SNX25: variants seen among roughly 807,000 people sequenced by gnomAD.
The protein encoded by SNX25 is sorting nexin 25.
Under a neutral mutation model 113.7 loss-of-function variants are expected in SNX25, and 62 were observed. The ratio of observed to expected loss-of-function variants is 0.55; its 90% CI spans 0.44 to 0.67. The LOEUF (loss-of-function observed/expected upper bound fraction) is 0.67. Ranked by LOEUF, SNX25 falls within the 30% of genes least tolerant of loss-of-function variation. The pLI is 0.00. For synonymous variants in SNX25, 421 were observed against 436.2 expected (o/e 0.97, Z 0.43); for missense variants, 1,014 against 1,161.0 (o/e 0.87, Z 1.84).
In SNX25 at chr4:185,345,575, G is replaced by A. The variant is rs1042638742; in HGVS notation, c.2188-962G>A. On this transcript the variant is annotated intron_variant, in intron 12 of 18. Coordinates refer to ENST00000652585, the MANE Select transcript of SNX25 (RefSeq NM_001378034.2). ...TTTGGGAGGCTGAGGCAGGAGGATCGCTTGTATCCAGGAGTTTGAGACTGG... is the reference window on the plus strand; with the variant it reads ...TTTGGGAGGCTGAGGCAGGAGGATCACTTGTATCCAGGAGTTTGAGACTGG... 1.6e-4 allele frequency among the ~76,000 whole-genome samples: 24 copies of A among 152,042 alleles called. 1 individual carries two copies. The highest frequency in any genetic ancestry group is 4.6e-4 in the African/African-American group (19 of 41,408).
chr4:185,263,649 T>G (rs1259823329), intron 3 of SNX25, among the ~76,000 whole-genome samples: 1 of 152,226 alleles, frequency 6.6e-6, no homozygotes, highest in African/African-American at 2.4e-5. Flanking sequence ...TCCTGTGCAG[T>G]ACCTAGTATG....
chr4:185,237,844 CCT>C (rs1240584534), intron 1 of SNX25, among the ~76,000 whole-genome samples: 1 of 151,708 alleles, frequency 6.6e-6, no homozygotes, highest in Non-Finnish European at 1.5e-5. Flanking sequence ...GGGCGGATCA[CCT>C]GAGGTCAGGA....
At chr4:185,235,097 G>T (rs574710838) in intron 1 of SNX25, among the ~76,000 whole-genome samples, 1 of 152,150 alleles carries the variant, frequency 6.6e-6, no homozygotes, top group Non-Finnish European at 1.5e-5. Context: ...GTAGTCTCTC[G>T]GTCTATCTTA....
intron 6 of SNX25, among the ~76,000 whole-genome samples, chr4:185,306,045 C>T (rs1407662838): frequency 6.6e-6 from 1 of 152,188 alleles, no homozygotes; most frequent in Admixed American, 6.5e-5. Context: ...CTACTTAACA[C>T]TCTATAGAGA....
intron 13 of SNX25, among the ~76,000 whole-genome samples, chr4:185,350,123 G>C (rs924923610): frequency 1.3e-5 from 2 of 152,144 alleles, no homozygotes; most frequent in African/African-American, 4.8e-5. Flanking sequence ...TGCAGGGTAC[G>C]TGAATGCTGA....
At chr4:185,258,522 T>TA (rs1264335099) in intron 2 of SNX25, among the ~76,000 whole-genome samples, 2 of 152,200 alleles carry the variant, frequency 1.3e-5, no homozygotes, top group Non-Finnish European at 2.9e-5. Context: ...AATAGACTGA[T>TA]ATCAGGTACA....
chr4:185,271,329 TC>T (rs1748898070), intron 5 of SNX25, among the ~76,000 whole-genome samples: 1 of 152,166 alleles, frequency 6.6e-6, no homozygotes, highest in African/African-American at 2.4e-5. Flanking sequence ...TTAGGTTGCA[TC>T]CTTTTATAAG....
At chr4:185,340,942 C>T (rs1322841227) in intron 11 of SNX25, among the ~76,000 whole-genome samples, 1 of 152,180 alleles carries the variant, frequency 6.6e-6, no homozygotes, top group South Asian at 2.1e-4. Context: ...TCTGTGCTAG[C>T]TGACTCATCA....
chr4:185,306,563 G>A (rs1754504275), intron 6 of SNX25, among the ~76,000 whole-genome samples: 1 of 152,146 alleles, frequency 6.6e-6, no homozygotes, highest in Admixed American at 6.5e-5. Context: ...GAATGTAATG[G>A]TTGGTAAATG....
intron 5 of SNX25, among the ~76,000 whole-genome samples, chr4:185,275,388 T>C (rs1426387337): frequency 6.6e-6 from 1 of 152,036 alleles, no homozygotes; most frequent in Non-Finnish European, 1.5e-5. Context: ...GAGATTAAGG[T>C]GGTGGTTTCT....
At chr4:185,271,769 G>A (rs1461526013) in intron 5 of SNX25, among the ~76,000 whole-genome samples, 2 of 152,170 alleles carry the variant, frequency 1.3e-5, no homozygotes, top group African/African-American at 4.8e-5. Context: ...TGAGAGATGC[G>A]TATTTTCTAA....
chr4:185,329,200 C>T (rs1204291351), intron 9 of SNX25, among the ~76,000 whole-genome samples: 1 of 152,128 alleles, frequency 6.6e-6, no homozygotes, highest in African/African-American at 2.4e-5. Flanking sequence ...GTGCCGTTTT[C>T]AGGCCATCGG....
At chr4:185,295,993 T>C (rs2126630761) in intron 6 of SNX25, 1 of 152,296 alleles carries the variant, frequency 6.6e-6, no homozygotes, top group Non-Finnish European at 1.5e-5. Context: ...ATCTGGAGTT[T>C]GGGAATCCAG....
At chr4:185,378,416 T>G in the SNX25 span, 1 of 1,350,464 alleles carries the variant, frequency 7.4e-7, no homozygotes, top group Non-Finnish European at 9.5e-7. Context: ...ATTCTCCATG[T>G]CATTTTCCAC....
At chr4:185,272,288 T>C (rs77572544) in intron 5 of SNX25, among the ~76,000 whole-genome samples, 2,877 of 152,334 alleles carry the variant, frequency 0.019, 88 homozygotes, top group African/African-American at 0.057. Flanking sequence ...AAGGTGCATC[T>C]GTTAGTGAAA....
intron 1 of SNX25, among the ~76,000 whole-genome samples, chr4:185,220,386 C>T (rs1739594712): frequency 6.6e-6 from 1 of 151,912 alleles, no homozygotes; most frequent in African/African-American, 2.4e-5. Flanking sequence ...CACCCATTAA[C>T]TCGTCATTTA....
At chr4:185,368,004 T>C (rs1335525348), downstream of SNX25, among the ~76,000 whole-genome samples, 6 of 151,916 alleles carry the variant, frequency 3.9e-5, no homozygotes, top group East Asian at 7.7e-4. Context: ...ACAGTGAAAC[T>C]CCGTCTCTAC....
chr4:185,305,672 G>A (rs1754363466), intron 6 of SNX25, among the ~76,000 whole-genome samples: 2 of 152,170 alleles, frequency 1.3e-5, no homozygotes, highest in Non-Finnish European at 2.9e-5. Flanking sequence ...TAATGTCTTT[G>A]TAGCCAAAAG....
intron 1 of SNX25, among the ~76,000 whole-genome samples, chr4:185,217,399 G>C (rs969367063): frequency 2.6e-5 from 4 of 152,134 alleles, no homozygotes; most frequent in Admixed American, 6.6e-5. Flanking sequence ...CATTACAATA[G>C]GTTCAAGAAT....
Sources: gnomAD v4.1 joint callset for allele counts (sites outside exome capture counted in the v4.1 genomes callset) on GRCh38, gnomAD v4.1.1 for gene constraint, MANE v1.5 for transcripts, NCBI Gene and HGNC (gene_info 2026-07-23, HGNC 2026-07-21) for gene names.